The following ANO1 variants were observed in gnomAD, a reference collection of about 807,000 sequenced individuals.
The protein encoded by ANO1 is anoctamin-1.
Under a neutral mutation model 124.0 loss-of-function variants are expected in ANO1, and 59 were observed. The observed-to-expected ratio is 0.48, with a 90% CI of 0.39 to 0.59. ANO1 has a LOEUF of 0.59. Ranked by LOEUF, ANO1 falls within the 20% of genes least tolerant of loss-of-function variation. The pLI, the probability that ANO1 is intolerant of heterozygous loss-of-function variation, is 0.00. For missense variants in ANO1, 1,059 were observed against 1,328.0 expected (o/e 0.80, Z 3.15); for synonymous variants, 529 against 532.0 (o/e 0.99, Z 0.08).
chr11:69,976,464 G>A, the ANO1 span, among the ~76,000 whole-genome samples: 3 of 142,354 alleles, frequency 2.1e-5, no homozygotes, highest in African/African-American at 8.2e-5. Flanking sequence ...CCGAGATAGC[G>A]CCACTACAGT....
chr11:69,993,571 C>G (rs1554997886), intron 1 of ANO1, among the ~76,000 whole-genome samples: 1 of 152,178 alleles, frequency 6.6e-6, no homozygotes, highest in African/African-American at 2.4e-5. Context: ...CCAGCTCGGT[C>G]TTCAGATCTC....
chr11:69,976,363 G>A, the ANO1 span, among the ~76,000 whole-genome samples: 27 of 151,996 alleles, frequency 1.8e-4, no homozygotes, highest in African/African-American at 5.8e-4. Context: ...AAAAATTAGC[G>A]GTGCACGGTG....
intron 1 of ANO1, among the ~76,000 whole-genome samples, chr11:70,082,437 G>A (rs1051343035): frequency 3.3e-5 from 5 of 152,154 alleles, no homozygotes; most frequent in Admixed American, 2.6e-4. Flanking sequence ...GTATGCACCT[G>A]TAATCCCAGC....
chr11:70,087,626 G>C lies in ANO1; in HGVS notation c.109-126G>C, dbSNP rs1184823909. On this transcript the variant is annotated intron_variant, in intron 1 of 25. Transcript: ENST00000355303. Reference sequence around the variant, plus strand: ...CCTAGGACAGTGCCTGGCCCGTGGAGGGCGCTCAGGGAGTGTTTGTTGAAC... The same window carrying C: ...CCTAGGACAGTGCCTGGCCCGTGGACGGCGCTCAGGGAGTGTTTGTTGAAC... The C allele has an allele frequency of 5.4e-6, 5 of 928,538 alleles. No homozygotes were observed. In the East Asian group the frequency reaches 1.1e-4, roughly 21 times the overall value. 57.5% of individuals were successfully genotyped at this position (928,538 alleles called of 1,614,324 possible).
At chr11:70,128,782 G>A (rs1396501179) in intron 10 of ANO1, among the ~76,000 whole-genome samples, 2 of 152,262 alleles carry the variant, frequency 1.3e-5, no homozygotes, top group African/African-American at 2.4e-5. Context: ...GCGGTGAAGT[G>A]AGAGGCGGAG....
At chr11:70,049,591 G>C (rs1555006074) in intron 1 of ANO1, among the ~76,000 whole-genome samples, 1 of 152,218 alleles carries the variant, frequency 6.6e-6, no homozygotes, top group Non-Finnish European at 1.5e-5. Context: ...AATGCTAAAA[G>C]GTAATGGTGG....
rs1340223731 is a variant in ANO1 at position 70,078,338 on chromosome 11, GCGCGGGC to G, written c.-266_-260del. On this transcript the variant is annotated 5_prime_UTR_variant, in exon 1 of 26. Transcript: ENST00000355303. ...GGCTGGCGTCCAAGTTCCTGACCAG[GCGCGGGC>G]CGGCCCGCGGGACCAGCAGCCGGGT... 1 of 149,726 alleles carries G rather than the reference GCGCGGGC, an allele frequency of 6.7e-6. No homozygotes were observed. The highest frequency in any genetic ancestry group is 1.5e-5 in the Non-Finnish European group (1 of 67,020). The allele number at this position is 149,726 out of a possible 1,614,324, so 9.3% of individuals were successfully genotyped here. A position where few individuals can be genotyped will look rare whatever the true frequency, so the allele number is the denominator to read the frequency against.
the ANO1 span, among the ~76,000 whole-genome samples, chr11:69,971,031 G>T: frequency 6.6e-6 from 1 of 152,188 alleles, no homozygotes; most frequent in Non-Finnish European, 1.5e-5. Flanking sequence ...TTTTGTTCTG[G>T]GTTGTCACAT....
At chr11:70,001,460 C>T (rs1856380288) in intron 1 of ANO1, among the ~76,000 whole-genome samples, 2 of 152,166 alleles carry the variant, frequency 1.3e-5, no homozygotes, top group Admixed American at 6.5e-5. Context: ...ATGACTATCC[C>T]ATGCTCCCTT....
intron 18 of ANO1, 62 bp from the exon 19 acceptor site, chr11:70,163,221 G>T: frequency 6.4e-7 from 1 of 1,565,046 alleles, no homozygotes; most frequent in East Asian, 2.2e-5. Flanking sequence ...CCACTTGGGG[G>T]TCTCTCCCCG....
intron 10 of ANO1, among the ~76,000 whole-genome samples, chr11:70,129,933 T>G (rs1318452842): frequency 6.6e-6 from 1 of 152,194 alleles, no homozygotes; most frequent in East Asian, 1.9e-4. Flanking sequence ...ACACCACTTT[T>G]TAATAAATGT....
At chr11:70,044,944 C>T (rs374134014) in intron 1 of ANO1, among the ~76,000 whole-genome samples, 31 of 152,228 alleles carry the variant, frequency 2.0e-4, no homozygotes, top group African/African-American at 7.2e-4. Context: ...GATTAGATTA[C>T]AGTATTGCAA....
chr11:70,158,340 C>T (rs1054708407), intron 16 of ANO1, among the ~76,000 whole-genome samples: 1 of 152,256 alleles, frequency 6.6e-6, no homozygotes, highest in African/African-American at 2.4e-5. Flanking sequence ...TCCAGCCCAA[C>T]AGCTTGAAGG....
chr11:70,170,820 G>A (rs769107049), intron 21 of ANO1, 67 bp from the exon 22 acceptor site: 212 of 1,544,876 alleles, frequency 1.4e-4, no homozygotes, highest in Non-Finnish European at 1.8e-4. Context: ...GGCACACGGG[G>A]TGGTGGAGTC....
intron 11 of ANO1, among the ~76,000 whole-genome samples, chr11:70,142,066 AT>A (rs2047175685): frequency 6.6e-6 from 1 of 152,200 alleles, no homozygotes; most frequent in Non-Finnish European, 1.5e-5. Context: ...GCTGTCTGGA[AT>A]TTCTGACATT....
At chr11:69,993,654 C>T (rs1237627734) in intron 1 of ANO1, among the ~76,000 whole-genome samples, 1 of 152,210 alleles carries the variant, frequency 6.6e-6, no homozygotes, top group Non-Finnish European at 1.5e-5. Context: ...GTTTGTGTCC[C>T]CACTTCCAGC....
intron 6 of ANO1, among the ~76,000 whole-genome samples, chr11:70,109,308 C>T (rs1051157200): frequency 6.6e-5 from 10 of 152,274 alleles, no homozygotes; most frequent in Middle Eastern, 3.4e-3. Context: ...GTCAAGGGCT[C>T]GGAACTGGAA....
intron 1 of ANO1, among the ~76,000 whole-genome samples, chr11:70,031,566 G>T (rs1447068610): frequency 6.6e-6 from 1 of 152,128 alleles, no homozygotes; most frequent in African/African-American, 2.4e-5. Flanking sequence ...TTACTAGATT[G>T]CACACATTCA....
At chr11:70,163,955 G>A (rs1419771085) in intron 19 of ANO1, among the ~76,000 whole-genome samples, 1 of 149,930 alleles carries the variant, frequency 6.7e-6, no homozygotes, top group African/African-American at 2.5e-5. Flanking sequence ...AAAAAAAGAA[G>A]ATGAATTAAT....
Sources: allele counts gnomAD v4.1 joint callset (sites outside exome capture counted in the v4.1 genomes callset), GRCh38; gene constraint gnomAD v4.1.1; transcripts MANE v1.5; gene names NCBI Gene and HGNC (gene_info 2026-07-23, HGNC 2026-07-21).